Variants in ARNT2 observed in about 807,000 individuals in gnomAD.
ARNT2 encodes the protein aryl hydrocarbon receptor nuclear translocator 2, also known as ARNT protein 2.
ARNT2 carries 36 observed loss-of-function variants against 91.7 expected under a neutral mutation model. That is an observed-to-expected ratio of 0.39 (90% CI 0.30 to 0.52). ARNT2 has a LOEUF of 0.52. ARNT2 is among the 20% of genes least tolerant of loss of function. The probability of loss-of-function intolerance (pLI) is 0.72; values close to 1 mark genes in which losing one functional copy is unlikely to be tolerated. For missense variants in ARNT2, 775 were observed against 939.3 expected, an observed-to-expected ratio of 0.83 and a Z score of 2.29; for synonymous variants, 365 against 347.1, an observed-to-expected ratio of 1.05 and a Z score of -0.57.
chr15:80,470,552 G>C (rs1896719125), intron 4 of ARNT2, 121 bp downstream of exon 4: 4 of 1,152,402 alleles, frequency 3.5e-6, no homozygotes, highest in East Asian at 2.6e-5. Context: ...AACATGTTTT[G>C]TTTCCATTTT....
At position 80,508,213 on chromosome 15, in the gene ARNT2, T is replaced by C. The variant is rs768581249; in HGVS notation, c.680T>C (p.Met227Thr). The change falls in exon 6 of 19, where the codon ATG (methionine) becomes ACG (threonine). Residue 227 changes from methionine (M) to threonine (T), a missense_variant. Met to Thr is a moderately conservative substitution (Grantham distance 81). This residue lies in a region of ARNT2 where 285 missense variants were observed against 327.2 expected (regional missense o/e 0.87). Transcript: ENST00000303329. The part of the protein sequence containing the change: ...TVKKEGQQSS[M>T]RMCMGSRRSF... ...AAGAAAGAAGGGCAGCAGTCATCCATGAGGATGTGCATGGGCTCGCGGCGG... is the reference window on the plus strand; with the variant it reads ...AAGAAAGAAGGGCAGCAGTCATCCACGAGGATGTGCATGGGCTCGCGGCGG... The C allele has an allele frequency of 6.2e-7, 1 of 1,614,148 alleles. No homozygotes were observed. Among genetic ancestry groups the C allele is most frequent in the South Asian group, 1.1e-5 (1 of 91,084 alleles).
intron 12 of ARNT2, among the ~76,000 whole-genome samples, chr15:80,565,656 T>A (rs1007561674): frequency 1.3e-5 from 2 of 152,168 alleles, no homozygotes; most frequent in Non-Finnish European, 2.9e-5. Flanking sequence ...TTTTCATTTG[T>A]TTGTTGGCTG....
chr15:80,433,233 A>ATTTATTTTATTTTATTTTAT (rs1321371343), intron 1 of ARNT2, among the ~76,000 whole-genome samples: 1,049 of 95,418 alleles, frequency 0.011, 21 homozygotes, highest in African/African-American at 0.034. Context: ...ACTATATTTT[A>ATTTATTTTATTTTATTTTAT]TTTATTTTAT....
intron 11 of ARNT2, among the ~76,000 whole-genome samples, chr15:80,559,442 G>A (rs766136574): frequency 3.3e-5 from 5 of 152,300 alleles, no homozygotes; most frequent in Non-Finnish European, 5.9e-5. Context: ...TTTGGTCTCC[G>A]GCCACTGACA....
At chr15:80,464,035 G>C (rs2081979195) in intron 3 of ARNT2, among the ~76,000 whole-genome samples, 1 of 152,206 alleles carries the variant, frequency 6.6e-6, no homozygotes. Flanking sequence ...TTTTTGGAGA[G>C]AGAGGAGGAA....
Position 80,596,903 on chromosome 15 carries a change from T to C in ARNT2, c.*3205T>C, listed in dbSNP as rs776206228. On this transcript the variant is annotated 3_prime_UTR_variant, in exon 19 of 19. Transcript: ENST00000303329. Reference sequence around the variant, plus strand: ...ATGGCCAAGGATGGCTCTAGAACACTCTGTCCATGCGTCACTCCCCCCAGT... The same window carrying C: ...ATGGCCAAGGATGGCTCTAGAACACCCTGTCCATGCGTCACTCCCCCCAGT... The C allele has an allele frequency of 3.1e-4, 108 of 349,528 alleles. No individual in the cohort carries two copies. The highest frequency in any genetic ancestry group is 3.3e-4 in the Non-Finnish European group (59 of 176,972). 21.7% of individuals were successfully genotyped at this position (349,528 alleles called of 1,614,324 possible). A position where few individuals can be genotyped will look rare whatever the true frequency, so the allele number is the denominator to read the frequency against.
chr15:80,448,543 G>A (rs1040506831), intron 1 of ARNT2, among the ~76,000 whole-genome samples: 4 of 152,124 alleles, frequency 2.6e-5, no homozygotes, highest in Admixed American at 2.0e-4. Flanking sequence ...CAAAACTATC[G>A]GCATTTTTGT....
intron 5 of ARNT2, among the ~76,000 whole-genome samples, chr15:80,494,284 C>T (rs139556162): frequency 1.3e-5 from 2 of 152,176 alleles, no homozygotes; most frequent in Non-Finnish European, 2.9e-5. Context: ...ATTTTTCCTG[C>T]TATTTTTGTA....
chr15:80,496,996 A>G (rs1897133050), intron 5 of ARNT2, among the ~76,000 whole-genome samples: 1 of 152,194 alleles, frequency 6.6e-6, no homozygotes, highest in Admixed American at 6.5e-5. Context: ...ACACAGAGAT[A>G]TTCAACCCCT....
At chr15:80,415,546 G>A (rs1312129788) in intron 1 of ARNT2, among the ~76,000 whole-genome samples, 2 of 152,192 alleles carry the variant, frequency 1.3e-5, no homozygotes, top group Admixed American at 1.3e-4. Flanking sequence ...CTCTCTGGCT[G>A]CGGAATGAAG....
intron 5 of ARNT2, among the ~76,000 whole-genome samples, chr15:80,494,117 G>A (rs939642866): frequency 2.6e-5 from 4 of 151,982 alleles, no homozygotes; most frequent in African/African-American, 4.8e-5. Flanking sequence ...ACTCAGCCTC[G>A]GGTGTTCCTT....
At chr15:80,479,652 A>G (rs1273257657) in intron 5 of ARNT2, among the ~76,000 whole-genome samples, 2 of 152,130 alleles carry the variant, frequency 1.3e-5, no homozygotes, top group Admixed American at 6.5e-5. Context: ...TCATCCACCA[A>G]TGTATGAAAT....
intron 3 of ARNT2, among the ~76,000 whole-genome samples, chr15:80,463,263 A>T (rs1039195403): frequency 6.6e-6 from 1 of 152,148 alleles, no homozygotes; most frequent in African/African-American, 2.4e-5. Context: ...GACACACTGG[A>T]TGGGTACGTG....
chr15:80,491,536 G>T (rs1196027133), intron 5 of ARNT2, among the ~76,000 whole-genome samples: 2 of 152,160 alleles, frequency 1.3e-5, no homozygotes, highest in African/African-American at 4.8e-5. Flanking sequence ...AGTGAGATGA[G>T]GGGGAAACGT....
intron 3 of ARNT2, among the ~76,000 whole-genome samples, chr15:80,458,666 C>CTT (rs112077679): frequency 4.8e-5 from 7 of 145,582 alleles, no homozygotes; most frequent in Non-Finnish European, 9.1e-5. Context: ...ATGACTGTGT[C>CTT]TTTTTTTTTT....
At chr15:80,499,376 TAA>T (rs892809157) in intron 5 of ARNT2, among the ~76,000 whole-genome samples, 35 of 152,266 alleles carry the variant, frequency 2.3e-4, no homozygotes, top group African/African-American at 8.2e-4. Context: ...CCTCAGTGAG[TAA>T]AGAGTTAATT....
intron 8 of ARNT2, among the ~76,000 whole-genome samples, chr15:80,521,386 C>G (rs995944361): frequency 9.9e-5 from 15 of 151,784 alleles, no homozygotes; most frequent in African/African-American, 3.6e-4. Context: ...ATCCTGGCCA[C>G]AAAAATCCAA....
intron 8 of ARNT2, among the ~76,000 whole-genome samples, chr15:80,520,943 T>C (rs1372677845): frequency 6.6e-6 from 1 of 152,220 alleles, no homozygotes; most frequent in Middle Eastern, 3.2e-3. Flanking sequence ...ATATTGACTT[T>C]GGAAACAAAA....
intron 10 of ARNT2, 39 bp from the exon 11 acceptor site, chr15:80,555,026 A>C (rs1417783569): frequency 1.9e-6 from 3 of 1,579,042 alleles, no homozygotes; most frequent in African/African-American, 2.7e-5. Context: ...ATAATTACAA[A>C]TGGATCTGGG....
Sources: gnomAD v4.1 joint callset for allele counts (sites outside exome capture counted in the v4.1 genomes callset) on GRCh38, gnomAD v4.1.1 for gene constraint, gnomAD v4.1.1 regional missense constraint, MANE v1.5 for transcripts, NCBI Gene and HGNC (gene_info 2026-07-23, HGNC 2026-07-21) for gene names.